The following ANKRD16 variants were observed in gnomAD, a reference collection of about 807,000 sequenced individuals.
The protein encoded by ANKRD16 is ankyrin repeat domain 16.
A neutral mutation model predicts 37.9 loss-of-function variants in ANKRD16; 35 were observed. That is an observed-to-expected ratio of 0.92 (90% CI 0.71 to 1.23). The LOEUF is 1.23. Ranked by LOEUF, ANKRD16 falls within the 50% of genes most tolerant of loss-of-function variation. The probability of loss-of-function intolerance (pLI) is 0.00; values close to 1 mark genes in which losing one functional copy is unlikely to be tolerated. For missense variants in ANKRD16, 480 were observed against 469.9 expected (o/e 1.02, Z -0.20); for synonymous variants, 206 against 197.2 (o/e 1.04, Z -0.37).
chr10:5,882,543 A>G (rs898120008), intron 5 of ANKRD16, among the ~76,000 whole-genome samples: 1 of 152,208 alleles, frequency 6.6e-6, no homozygotes, highest in African/African-American at 2.4e-5. Context: ...TGTTAAGGAT[A>G]ATATGCAAAA....
At chr10:5,881,438 TTATATA>T (rs869185709) in intron 5 of ANKRD16, among the ~76,000 whole-genome samples, 515 of 50,910 alleles carry the variant, frequency 0.01, 4 homozygotes, top group African/African-American at 0.034. Context: ...AAAATATTAT[TTATATA>T]TATATATATA....
rs1187527405 is a variant in ANKRD16 at position 5,865,252 on chromosome 10, A to G, written c.*34-2561T>C. Among the ~76,000 whole-genome samples the G allele has an allele frequency of 6.6e-6, 1 of 152,200 alleles. No homozygotes were observed. Among genetic ancestry groups the G allele is most frequent in the East Asian group, 1.9e-4 (1 of 5,196 alleles). On this transcript the variant is annotated intron_variant, in intron 7 of 7. Transcript: ENST00000380094. This position sits in a 1 kb window ranked among gnomAD's most constrained non-coding sequence, Gnocchi z 4.7. Reference sequence around the variant, plus strand: ...AAAAAAGACTGTCCAACAAGAAACAAGCTGCCCCCTCGCCCATGTCCACTA... The same window carrying G: ...AAAAAAGACTGTCCAACAAGAAACAGGCTGCCCCCTCGCCCATGTCCACTA...
intron 7 of ANKRD16, among the ~76,000 whole-genome samples, chr10:5,877,257 C>A (rs1243307102): frequency 6.6e-6 from 1 of 152,196 alleles, no homozygotes; most frequent in African/African-American, 2.4e-5. Context: ...GGACTACAGG[C>A]ATGCACCAGC....
chr10:5,880,378 T>C lies in ANKRD16; in HGVS notation c.850-2A>G, dbSNP rs1337430279. On this transcript the variant is annotated splice_acceptor_variant, in intron 5 of 7. Coordinates refer to ENST00000380094, the MANE Select transcript of ANKRD16 (RefSeq NM_019046.3). LOFTEE classifies it high-confidence loss of function. ...CTGAATTGTACTTGTATGTCCTTCC[T>C]GAATTGAAACAAATTTGTTATCACT... The C allele has an allele frequency of 6.3e-7, 1 of 1,587,902 alleles. No homozygotes were observed. The highest frequency in any genetic ancestry group is 1.4e-5 in the African/African-American group (1 of 73,720).
chr10:5,862,998 C>A lies in ANKRD16; in HGVS notation c.*34-307G>T, dbSNP rs1453139332. On this transcript the variant is annotated intron_variant, in intron 7 of 7. Coordinates refer to ENST00000380094, the MANE Select transcript of ANKRD16 (RefSeq NM_019046.3). The surrounding 1 kb of genome is among the most constrained non-coding windows in gnomAD (Gnocchi z 6.5). Reference sequence around the variant, plus strand: ...CCCCATCTTAGTGAATTCTGACTTTCCACCTACTGTCCCGGAGCAGCTGAC... The same window carrying A: ...CCCCATCTTAGTGAATTCTGACTTTACACCTACTGTCCCGGAGCAGCTGAC... 3.9e-5 allele frequency among the ~76,000 whole-genome samples: 6 copies of A among 152,108 alleles called. No individual in the cohort carries two copies. Among genetic ancestry groups the A allele is most frequent in the Admixed American group, 3.9e-4 (6 of 15,270 alleles).
chr10:5,882,434 C>T (rs1033870846), intron 5 of ANKRD16, among the ~76,000 whole-genome samples: 16 of 120,336 alleles, frequency 1.3e-4, no homozygotes, highest in African/African-American at 4.2e-4. Flanking sequence ...CCAGCCTGGG[C>T]AAAAAAGCAA....
chr10:5,872,942 C>T (rs1018767587), intron 7 of ANKRD16, among the ~76,000 whole-genome samples: 2 of 151,590 alleles, frequency 1.3e-5, no homozygotes, highest in Admixed American at 6.6e-5. Flanking sequence ...CTCACTGCAG[C>T]CTCTGCCTCC....
In ANKRD16 at chr10:5,888,063, G is replaced by A. The variant is rs774142230; in HGVS notation, c.319C>T (p.Pro107Ser). The A allele has an allele frequency of 3.1e-6, 5 of 1,613,918 alleles. No individual in the cohort carries two copies. Among genetic ancestry groups the A allele is most frequent in the Non-Finnish European group, 4.2e-6 (5 of 1,179,934 alleles). Reference sequence around the variant, plus strand: ...TTCCTTGTGCAGGCCATCATCAGAGGAGTCCTAAGGCCAACCAGGAGAAGC... The same window carrying A: ...TTCCTTGTGCAGGCCATCATCAGAGAAGTCCTAAGGCCAACCAGGAGAAGC... ...VDCLKKADWT[P>S]LMMACTRKNL... Residue 107 changes from proline (P) to serine (S), a missense_variant, in exon 2 of 8, where the codon CCT (proline) becomes TCT (serine). Coordinates refer to ENST00000380094, the MANE Select transcript of ANKRD16 (RefSeq NM_019046.3).
intron 5 of ANKRD16, among the ~76,000 whole-genome samples, chr10:5,880,838 A>G (rs922408206): frequency 2.6e-5 from 4 of 152,168 alleles, no homozygotes; most frequent in African/African-American, 9.7e-5. Flanking sequence ...TGGCAGAGTG[A>G]GTTGGGGGTC....
rs1841964852 is a variant in ANKRD16 at position 5,863,116 on chromosome 10, G to C, written c.*34-425C>G. The stretch of plus-strand genomic sequence containing the variant: ...CCCTGACTCCATGGGCTTTCAACAC[G>C]AGGCCTCCCCAACGCAGTGTCCACA... On this transcript the variant is annotated intron_variant, in intron 7 of 7. Coordinates refer to ENST00000380094, the MANE Select transcript of ANKRD16 (RefSeq NM_019046.3). This position sits in a 1 kb window ranked among gnomAD's most constrained non-coding sequence, Gnocchi z 4.7. Among the ~76,000 whole-genome samples the C allele has an allele frequency of 6.6e-6, 1 of 151,988 alleles. No individual in the cohort carries two copies. Among genetic ancestry groups the C allele is most frequent in the Non-Finnish European group, 1.5e-5 (1 of 68,014 alleles).
chr10:5,889,076 C>CT lies in ANKRD16; in HGVS notation c.278_279insA (p.Ala95GlyfsTer77). On this transcript the variant is annotated frameshift_variant, in exon 1 of 8. Coordinates refer to ENST00000380094, the MANE Select transcript of ANKRD16 (RefSeq NM_019046.3). LOFTEE classifies it high-confidence loss of function. ...TCTTCAGGCAGTCGACCGCTGCCCCCCGGCCCAGCAGGTAGCGCACGCAGT... is the reference window on the plus strand; with the variant it reads ...TCTTCAGGCAGTCGACCGCTGCCCCCTCGGCCCAGCAGGTAGCGCACGCAGT... 1.3e-6 allele frequency: 2 copies of CT among 1,565,270 alleles called. No individual in the cohort carries two copies. Among genetic ancestry groups the CT allele is most frequent in the Non-Finnish European group, 1.7e-6 (2 of 1,162,142 alleles).
intron 6 of ANKRD16, among the ~76,000 whole-genome samples, chr10:5,879,905 T>C (rs1379614085): frequency 1.3e-5 from 2 of 152,162 alleles, no homozygotes; most frequent in African/African-American, 2.4e-5. Flanking sequence ...ATGCCTGTAA[T>C]CCCAGCACTT....
intron 5 of ANKRD16, 52 bp downstream of exon 5, chr10:5,882,953 GA>G (rs1258971782): frequency 6.9e-6 from 11 of 1,584,520 alleles, no homozygotes; most frequent in African/African-American, 1.3e-5. Flanking sequence ...ACTGATCAAA[GA>G]AGTAAGGCAA....
rs1018149844 is a variant in ANKRD16 at position 5,864,512 on chromosome 10, G to A, written c.*34-1821C>T. Among the ~76,000 whole-genome samples, 4 of 152,118 alleles carry A rather than the reference G, an allele frequency of 2.6e-5. No homozygotes were observed. Among genetic ancestry groups the A allele is most frequent in the African/African-American group, 9.7e-5 (4 of 41,378 alleles). ...ATATAGATGTCCCACAGGGTCCAGG[G>A]CAAACCTTCAATCTCACCTGGAGAG... On this transcript the variant is annotated intron_variant, in intron 7 of 7. Transcript: ENST00000380094. The surrounding 1 kb of genome is among the most constrained non-coding windows in gnomAD (Gnocchi z 4.4).
At chr10:5,877,917 T>C (rs1842210450) in intron 7 of ANKRD16, among the ~76,000 whole-genome samples, 180 bp downstream of exon 7, 1 of 152,220 alleles carries the variant, frequency 6.6e-6, no homozygotes, top group African/African-American at 2.4e-5. Flanking sequence ...TGACTGTGCT[T>C]GGGACTCCAT....
intron 3 of ANKRD16, 107 bp downstream of exon 3, chr10:5,885,616 G>T: frequency 8.5e-7 from 1 of 1,181,802 alleles, no homozygotes. Flanking sequence ...TCTTTTGAAA[G>T]CCTAATTTTT....
At position 5,870,855 on chromosome 10, in the gene ANKRD16, C is replaced by G. The variant is rs1842078643; in HGVS notation, c.*33+7242G>C. On this transcript the variant is annotated intron_variant, in intron 7 of 7. Coordinates refer to ENST00000380094, the MANE Select transcript of ANKRD16 (RefSeq NM_019046.3). This position sits in a 1 kb window ranked among gnomAD's most constrained non-coding sequence, Gnocchi z 5.0. ...CCTGCAGAACCCTCCTGTTGCTGTG[C>G]TCAGGCCAGAAGCTGCACAGAGCAT... is the stretch of plus-strand genomic sequence containing the variant. Among the ~76,000 whole-genome samples, 1 of 152,186 alleles carries G rather than the reference C, an allele frequency of 6.6e-6. No homozygotes were observed.
chr10:5,883,247 T>G, intron 4 of ANKRD16, 80 bp from the exon 5 acceptor site: 1 of 1,454,322 alleles, frequency 6.9e-7, no homozygotes, highest in Non-Finnish European at 9.3e-7. Flanking sequence ...TGCTGGCACT[T>G]CAGCAAAACT....
chr10:5,867,845 C>T (rs1445982808), intron 7 of ANKRD16, among the ~76,000 whole-genome samples: 1 of 152,198 alleles, frequency 6.6e-6, no homozygotes, highest in African/African-American at 2.4e-5. Context: ...ATAGTAACTA[C>T]GATCCCAAAT....
Sources: allele counts gnomAD v4.1 joint callset (sites outside exome capture counted in the v4.1 genomes callset), GRCh38; gene constraint gnomAD v4.1.1; non-coding constraint Gnocchi (gnomAD v3.1); transcripts MANE v1.5; gene names NCBI Gene and HGNC (gene_info 2026-07-23, HGNC 2026-07-21).